Variants in RPRD1A observed in about 807,000 individuals in gnomAD.
RPRD1A encodes regulation of nuclear pre-mRNA domain containing 1A, also known as regulation of nuclear pre-mRNA domain-containing protein 1A.
In RPRD1A, 9 loss-of-function variants were observed where a neutral mutation model predicts 37.8. The ratio of observed to expected loss-of-function variants is 0.24; its 90% confidence interval spans 0.14 to 0.42. RPRD1A has a LOEUF of 0.42. RPRD1A is among the 10% of genes least tolerant of loss of function. The pLI is 1.00. For missense variants in RPRD1A, 255 were observed against 371.0 expected, an observed-to-expected ratio of 0.69 and a Z score of 2.57; for synonymous variants, 138 against 139.7, an observed-to-expected ratio of 0.99 and a Z score of 0.08.
chr18:35,998,150 C>T (rs1247308405), intron 6 of RPRD1A, among the ~76,000 whole-genome samples: 1 of 152,000 alleles, frequency 6.6e-6, no homozygotes, highest in African/African-American at 2.4e-5. Context: ...CCTGAGGTCA[C>T]GAGTTCAAGA....
chr18:36,038,831 C>G (rs897323863), intron 1 of RPRD1A, among the ~76,000 whole-genome samples: 16 of 152,186 alleles, frequency 1.1e-4, no homozygotes, highest in Non-Finnish European at 1.9e-4. Context: ...TTAATGGCTG[C>G]CCTGCTGGGT....
intron 6 of RPRD1A, among the ~76,000 whole-genome samples, chr18:35,993,974 G>C (rs1040124992): frequency 1.3e-5 from 2 of 152,150 alleles, no homozygotes; most frequent in Admixed American, 6.5e-5. Flanking sequence ...GCCCTGATAA[G>C]CCTCACCCCC....
intron 1 of RPRD1A, among the ~76,000 whole-genome samples, chr18:36,054,609 A>G (rs1913632482): frequency 6.6e-6 from 1 of 152,200 alleles, no homozygotes; most frequent in African/African-American, 2.4e-5. Context: ...AGAGGGAGAG[A>G]GAGAAATATT....
intron 6 of RPRD1A, among the ~76,000 whole-genome samples, chr18:36,009,381 G>A (rs947673181): frequency 6.6e-6 from 1 of 151,682 alleles, no homozygotes; most frequent in East Asian, 1.9e-4. Context: ...ATATGGAGGG[G>A]TTTACCCGCC....
chr18:36,023,791 A>G (rs1911168764), intron 6 of RPRD1A, among the ~76,000 whole-genome samples: 1 of 152,232 alleles, frequency 6.6e-6, no homozygotes, highest in Non-Finnish European at 1.5e-5. Context: ...GAAGGCTCAG[A>G]TGATTAGTCT....
chr18:36,002,073 T>C (rs1367454554), intron 6 of RPRD1A, among the ~76,000 whole-genome samples: 1 of 152,258 alleles, frequency 6.6e-6, no homozygotes, highest in East Asian at 1.9e-4. Flanking sequence ...GAATATGGCA[T>C]GCCTAAGTAG....
intron 1 of RPRD1A, among the ~76,000 whole-genome samples, chr18:36,037,715 T>C (rs939654457): frequency 9.2e-5 from 14 of 152,210 alleles, no homozygotes; most frequent in African/African-American, 3.1e-4. Context: ...ACTTGTTGAA[T>C]GGCTTTGACC....
intron 1 of RPRD1A, among the ~76,000 whole-genome samples, chr18:36,038,902 G>A (rs1157438986): frequency 1.3e-5 from 2 of 152,180 alleles, no homozygotes; most frequent in Non-Finnish European, 2.9e-5. Context: ...TTCTGGAACA[G>A]GAGCATTTAC....
In RPRD1A at chr18:36,064,710, G is replaced by A. The variant is rs1480395753; in HGVS notation, c.151+2544C>T. On this transcript the variant is annotated intron_variant, in intron 1 of 6. Transcript: ENST00000399022. ...GCAGGACGTGGCTGGGGCCAGATAA[G>A]AGAATAAAAGCAGGCCACCCAAACC... is the stretch of plus-strand genomic sequence containing the variant. Among the ~76,000 whole-genome samples the A allele has an allele frequency of 2.0e-5, 3 of 152,178 alleles. No individual in the cohort carries two copies. In the South Asian group the frequency reaches 6.2e-4, roughly 32 times the overall value.
At chr18:36,013,320 T>C (rs547121358) in intron 6 of RPRD1A, among the ~76,000 whole-genome samples, 6 of 151,782 alleles carry the variant, frequency 4.0e-5, no homozygotes, top group African/African-American at 9.7e-5. Context: ...AACAAAACCA[T>C]AGGAAATAGT....
At chr18:36,018,316 C>G (rs1402706300) in intron 6 of RPRD1A, among the ~76,000 whole-genome samples, 1 of 151,424 alleles carries the variant, frequency 6.6e-6, no homozygotes, top group African/African-American at 2.4e-5. Flanking sequence ...CTCTGTCGCC[C>G]AGGCTGGAGT....
At chr18:36,048,061 T>C (rs911230467) in intron 1 of RPRD1A, among the ~76,000 whole-genome samples, 1 of 144,188 alleles carries the variant, frequency 6.9e-6, no homozygotes, top group Non-Finnish European at 1.5e-5. Flanking sequence ...ATGTACCCAT[T>C]CCTTTTTTTT....
rs1911419836 is a variant in RPRD1A at position 36,027,044 on chromosome 18, C to T, written c.645G>A (p.Met215Ile). 6.2e-7 allele frequency: 1 copy of T among 1,614,000 alleles called. No individual in the cohort carries two copies. Among genetic ancestry groups the T allele is most frequent in the East Asian group, 2.2e-5 (1 of 44,878 alleles). ...DKESGERLSK[M>I]VEDACMLLAD... is the part of the protein sequence containing the mutation. ...CCAGCAACATACACGCATCCTCTAC[C>T]ATTTTGGAAAGCCTTTCTCCAGATT... Residue 215 changes from methionine to isoleucine, a missense_variant, in exon 6 of 7, where the codon ATG (methionine) becomes ATA (isoleucine). Met to Ile is a conservative substitution (Grantham distance 10, BLOSUM62 1). This residue lies in a region of RPRD1A where 211 missense variants were observed against 268.9 expected (regional missense o/e 0.78). Coordinates refer to ENST00000399022, the MANE Select transcript of RPRD1A (RefSeq NM_018170.5).
intron 6 of RPRD1A, among the ~76,000 whole-genome samples, chr18:36,001,063 G>A (rs568954285): frequency 6.6e-6 from 1 of 152,292 alleles, no homozygotes; most frequent in African/African-American, 2.4e-5. Flanking sequence ...TCCTACTAGT[G>A]AAGCAGAGTT....
At chr18:36,006,768 C>T (rs966191385) in intron 6 of RPRD1A, among the ~76,000 whole-genome samples, 6 of 152,152 alleles carry the variant, frequency 3.9e-5, no homozygotes, top group Non-Finnish European at 8.8e-5. Context: ...GGAATACAGA[C>T]AGAATAAAAT....
chr18:36,033,599 A>G (rs1044844940), intron 2 of RPRD1A, 109 bp downstream of exon 2: 1 of 900,244 alleles, frequency 1.1e-6, no homozygotes, highest in African/African-American at 1.7e-5. Flanking sequence ...AAAAGCATCA[A>G]AAAACTATAT....
chr18:36,010,287 A>G (rs1373400833), intron 6 of RPRD1A, among the ~76,000 whole-genome samples: 1 of 151,956 alleles, frequency 6.6e-6, no homozygotes, highest in African/African-American at 2.4e-5. Context: ...TGGGCAACAC[A>G]GCAAGACCTT....
At chr18:36,050,892 T>C (rs146467454) in intron 1 of RPRD1A, among the ~76,000 whole-genome samples, 1,568 of 150,962 alleles carry the variant, frequency 0.01, 12 homozygotes, top group South Asian at 0.02. Context: ...CTGCTTTTAA[T>C]GTGCACATTA....
intron 1 of RPRD1A, among the ~76,000 whole-genome samples, chr18:36,066,203 C>T (rs1283050671): frequency 6.6e-6 from 1 of 152,156 alleles, no homozygotes; most frequent in Non-Finnish European, 1.5e-5. Context: ...GGATGGGTGA[C>T]GTTTTCATAA....
Sources: allele counts gnomAD v4.1 joint callset (sites outside exome capture counted in the v4.1 genomes callset), GRCh38; gene constraint gnomAD v4.1.1; regional missense constraint gnomAD v4.1.1; transcripts MANE v1.5; gene names NCBI Gene and HGNC (gene_info 2026-07-23, HGNC 2026-07-21).